Variants in SORCS3 observed in about 807,000 individuals in gnomAD.
The protein encoded by SORCS3 is VPS10 domain-containing receptor SorCS3.
A neutral mutation model predicts 146.3 loss-of-function variants in SORCS3; 57 were observed. The observed-to-expected ratio is 0.39, with a 90% CI of 0.31 to 0.49. SORCS3 has a LOEUF of 0.49. Ranked by LOEUF, SORCS3 falls within the 20% of genes least tolerant of loss-of-function variation. SORCS3 has a pLI of 0.92. For synonymous variants in SORCS3, 653 were observed against 618.5 expected, an observed-to-expected ratio of 1.06 and a Z score of -0.83; for missense variants, 1,341 against 1,575.5, an observed-to-expected ratio of 0.85 and a Z score of 2.52.
At chr10:104,704,551 T>C (rs766688039) in intron 1 of SORCS3, among the ~76,000 whole-genome samples, 4 of 152,020 alleles carry the variant, frequency 2.6e-5, no homozygotes, top group Non-Finnish European at 5.9e-5. Flanking sequence ...AAACTGGGGA[T>C]GGGGTAGGGA....
intron 1 of SORCS3, among the ~76,000 whole-genome samples, chr10:104,715,826 C>T (rs2133441587): frequency 6.6e-6 from 1 of 152,296 alleles, no homozygotes; most frequent in African/African-American, 2.4e-5. Context: ...GATCTATTCT[C>T]CCTGATTTCA....
At chr10:105,170,081 A>G (rs1412223269) in intron 13 of SORCS3, among the ~76,000 whole-genome samples, 1 of 152,092 alleles carries the variant, frequency 6.6e-6, no homozygotes, top group Non-Finnish European at 1.5e-5. Context: ...TATTTTTGTC[A>G]TTTCCTTTTG....
intron 14 of SORCS3, among the ~76,000 whole-genome samples, chr10:105,193,799 C>A (rs1212071931): frequency 1.3e-5 from 2 of 152,110 alleles, no homozygotes; most frequent in Admixed American, 1.3e-4. Flanking sequence ...ATGCCCAGAC[C>A]ACCCATATGT....
intron 1 of SORCS3, among the ~76,000 whole-genome samples, chr10:104,797,754 G>T (rs1455953001): frequency 6.6e-6 from 1 of 151,990 alleles, no homozygotes; most frequent in African/African-American, 2.4e-5. Flanking sequence ...ACTTTTTCTT[G>T]AAAAATCCAT....
chr10:104,810,966 A>G (rs2017733681), intron 1 of SORCS3, among the ~76,000 whole-genome samples: 1 of 152,260 alleles, frequency 6.6e-6, no homozygotes, highest in Non-Finnish European at 1.5e-5. Flanking sequence ...ATAGAGATGT[A>G]TACCACAAAG....
Position 105,223,109 on chromosome 10 carries a change from TCC to T in SORCS3, c.2735-6_2735-5del. The T allele has an allele frequency of 6.3e-7, 1 of 1,589,768 alleles. No individual in the cohort carries two copies. Among genetic ancestry groups the T allele is most frequent in the Non-Finnish European group, 8.6e-7 (1 of 1,164,832 alleles). On this transcript the variant is annotated splice_region_variant and splice_polypyrimidine_tract_variant and intron_variant, in intron 19 of 26. Coordinates refer to ENST00000369701, the MANE Select transcript of SORCS3 (RefSeq NM_014978.3). ...TAAACACTGACTTTTTTTTTCTGTT[TCC>T]TTAGGTCCTGTGGAGCATGTTCATC... is the stretch of plus-strand genomic sequence containing the variant.
chr10:104,714,464 AT>A (rs1239330138), intron 1 of SORCS3, among the ~76,000 whole-genome samples: 1 of 152,010 alleles, frequency 6.6e-6, no homozygotes, highest in Non-Finnish European at 1.5e-5. Flanking sequence ...TTTAATTTTA[AT>A]TTTGTTAGAA....
chr10:104,960,121 C>G (rs1319072254), intron 3 of SORCS3, among the ~76,000 whole-genome samples: 2 of 152,158 alleles, frequency 1.3e-5, no homozygotes, highest in Non-Finnish European at 2.9e-5. Context: ...ACGATACTTA[C>G]TGGGCAATGC....
At chr10:104,914,242 G>A (rs2019000159) in intron 2 of SORCS3, among the ~76,000 whole-genome samples, 1 of 152,162 alleles carries the variant, frequency 6.6e-6, no homozygotes, top group Non-Finnish European at 1.5e-5. Flanking sequence ...TCTTTGAGGA[G>A]CCTACATTGT....
chr10:104,890,347 G>GT (rs1225686867), intron 2 of SORCS3, among the ~76,000 whole-genome samples: 7 of 151,030 alleles, frequency 4.6e-5, no homozygotes, highest in Non-Finnish European at 7.4e-5. Flanking sequence ...TTTTTCCTCA[G>GT]TTTTTTTTTG....
intron 4 of SORCS3, among the ~76,000 whole-genome samples, chr10:105,028,481 C>G (rs2055244658): frequency 6.6e-6 from 1 of 152,048 alleles, no homozygotes; most frequent in Non-Finnish European, 1.5e-5. Flanking sequence ...GTGAAATGGC[C>G]CACCCAAGAT....
chr10:104,697,550 CTTTTCTTTACA>C (rs1275363603), intron 1 of SORCS3, among the ~76,000 whole-genome samples: 2 of 152,246 alleles, frequency 1.3e-5, no homozygotes, highest in Admixed American at 6.5e-5. Context: ...CACAGAAAAC[CTTTTCTTTACA>C]TCAAAGTTAG....
intron 2 of SORCS3, among the ~76,000 whole-genome samples, chr10:104,885,681 A>C (rs942201845): frequency 1.3e-5 from 2 of 152,160 alleles, no homozygotes; most frequent in African/African-American, 4.8e-5. Flanking sequence ...TTATGTGAAT[A>C]TGTGATGTCA....
chr10:104,755,784 G>C (rs778860035), intron 1 of SORCS3, among the ~76,000 whole-genome samples: 1 of 152,166 alleles, frequency 6.6e-6, no homozygotes, highest in Non-Finnish European at 1.5e-5. Flanking sequence ...TGATGATGTA[G>C]AATAATACCA....
intron 2 of SORCS3, among the ~76,000 whole-genome samples, chr10:104,868,738 T>G (rs1038558294): frequency 2.6e-5 from 4 of 152,192 alleles, no homozygotes; most frequent in Non-Finnish European, 4.4e-5. Context: ...TGCTGGGAAT[T>G]TGAGTCCCTG....
intron 1 of SORCS3, among the ~76,000 whole-genome samples, chr10:104,752,736 T>C (rs2017003139): frequency 6.6e-6 from 1 of 152,170 alleles, no homozygotes; most frequent in Non-Finnish European, 1.5e-5. Flanking sequence ...CATTTTATGT[T>C]AAAAACAAAA....
At chr10:105,201,358 TAGG>T in intron 16 of SORCS3, 105 bp downstream of exon 16, 2 of 1,329,920 alleles carry the variant, frequency 1.5e-6, no homozygotes, top group Non-Finnish European at 2.0e-6. Flanking sequence ...GACGCAGAGA[TAGG>T]AGGTGTATCT....
intron 2 of SORCS3, among the ~76,000 whole-genome samples, chr10:104,915,257 G>A (rs573386866): frequency 6.6e-5 from 10 of 152,206 alleles, no homozygotes; most frequent in East Asian, 1.9e-4. Context: ...CACCCACATC[G>A]TTGTCCCTGT....
chr10:105,191,942 T>C (rs1230133504), intron 14 of SORCS3, among the ~76,000 whole-genome samples: 3 of 152,162 alleles, frequency 2.0e-5, no homozygotes, highest in Non-Finnish European at 4.4e-5. Context: ...ATACAATGTC[T>C]AGACTACTTT....
Sources: gnomAD v4.1 joint callset for allele counts (sites outside exome capture counted in the v4.1 genomes callset) on GRCh38, gnomAD v4.1.1 for gene constraint, MANE v1.5 for transcripts, NCBI Gene and HGNC (gene_info 2026-07-23, HGNC 2026-07-21) for gene names.